The following XPO4 variants were observed in gnomAD, a reference collection of about 807,000 sequenced individuals.
XPO4 encodes the protein exportin 4.
Under a neutral mutation model 143.0 loss-of-function variants are expected in XPO4, and 39 were observed. The observed-to-expected ratio is 0.27, with a 90% confidence interval of 0.21 to 0.36. The LOEUF (loss-of-function observed/expected upper bound fraction) is 0.36. XPO4 is among the 10% of genes least tolerant of loss of function. The pLI, the probability that XPO4 is intolerant of heterozygous loss-of-function variation, is 1.00. For synonymous variants in XPO4, 439 were observed against 474.0 expected, an observed-to-expected ratio of 0.93 and a Z score of 0.96; for missense variants, 907 against 1,348.0, an observed-to-expected ratio of 0.67 and a Z score of 5.12.
At chr13:20,852,781 T>C (rs1295559826) in intron 4 of XPO4, 2 of 984,952 alleles carry the variant, frequency 2.0e-6, no homozygotes, top group Non-Finnish European at 2.4e-6. Context: ...ATTGCTTGAC[T>C]GAGAGCCTTT....
At chr13:20,797,526 A>G (rs1168048551) in intron 16 of XPO4, among the ~76,000 whole-genome samples, 1 of 152,174 alleles carries the variant, frequency 6.6e-6, no homozygotes, top group African/African-American at 2.4e-5. Context: ...TGTATATAAG[A>G]GTACTCATAT....
At chr13:20,886,458 A>G (rs141723510) in intron 1 of XPO4, among the ~76,000 whole-genome samples, 35 of 152,098 alleles carry the variant, frequency 2.3e-4, no homozygotes, top group African/African-American at 8.2e-4. Flanking sequence ...CTAAAAATAT[A>G]AAAAATTAGT....
At chr13:20,791,621 G>A (rs918447395) in intron 18 of XPO4, among the ~76,000 whole-genome samples, 4 of 152,106 alleles carry the variant, frequency 2.6e-5, no homozygotes, top group Admixed American at 6.6e-5. Context: ...CAGCTTGCCA[G>A]GAGTAAAAGC....
intron 3 of XPO4, among the ~76,000 whole-genome samples, chr13:20,862,405 T>G (rs1186834998): frequency 6.6e-6 from 1 of 152,198 alleles, no homozygotes; most frequent in African/African-American, 2.4e-5. Context: ...GCACCAAAAC[T>G]ACCTACAATC....
In XPO4 at chr13:20,851,204, AG is replaced by A. The variant is rs1379432865; in HGVS notation, c.456+4422del. The A allele has an allele frequency of 5.1e-6, 5 of 985,336 alleles. No individual in the cohort carries two copies. The African/African-American group carries it at 8.7e-5, about 17-fold the overall frequency. 61.0% of individuals were successfully genotyped at this position (985,336 alleles called of 1,614,324 possible). On this transcript the variant is annotated intron_variant, in intron 4 of 22. Transcript: ENST00000255305. ...AGAAAATGTCTGAACTTCATTTTTT[AG>A]GCCTTCCTATTGAGCTAGTTTCAAG...
chr13:20,885,137 A>G (rs2060449452), intron 1 of XPO4, among the ~76,000 whole-genome samples: 1 of 151,970 alleles, frequency 6.6e-6, no homozygotes, highest in African/African-American at 2.4e-5. Context: ...TTTAGTAGAG[A>G]TGGGGTTTCT....
Position 20,853,018 on chromosome 13 carries a change from T to G in XPO4, c.456+2609A>C, listed in dbSNP as rs945821862. 18 of 985,178 alleles carry G rather than the reference T, an allele frequency of 1.8e-5. No individual in the cohort carries two copies. The African/African-American group carries it at 3.1e-4, about 17-fold the overall frequency. 61.0% of individuals were successfully genotyped at this position (985,178 alleles called of 1,614,324 possible). The stretch of plus-strand genomic sequence containing the variant: ...TGGAGACTATATCTACTACCACAAT[T>G]TATATTACTCTAAGTAAAAATAGCT... On this transcript the variant is annotated intron_variant, in intron 4 of 22. Transcript: ENST00000255305.
At position 20,806,677 on chromosome 13, in the gene XPO4, C is replaced by T. The variant is rs971548519; in HGVS notation, c.1817+780G>A. Among the ~76,000 whole-genome samples the T allele has an allele frequency of 6.0e-5, 9 of 150,004 alleles. No individual in the cohort carries two copies. In the South Asian group the frequency reaches 1.3e-3, roughly 21 times the overall value. ...AAGCGATTCTCCTGCTTCAGCCTCCCGAGTAGCTGGGACTACAGGCGTACA... is the reference window on the plus strand; with the variant it reads ...AAGCGATTCTCCTGCTTCAGCCTCCTGAGTAGCTGGGACTACAGGCGTACA... On this transcript the variant is annotated intron_variant, in intron 13 of 22. Coordinates refer to ENST00000255305, the MANE Select transcript of XPO4 (RefSeq NM_022459.5).
rs1462660504 is a variant in XPO4 at position 20,788,545 on chromosome 13, T to C, written c.2988A>G (p.Pro996=). 1.2e-6 allele frequency: 2 copies of C among 1,613,288 alleles called. No individual in the cohort carries two copies. Among genetic ancestry groups the C allele is most frequent in the Non-Finnish European group, 1.7e-6 (2 of 1,179,632 alleles). ...TTTTAAACAGATCCTCAGGAAGCTG[T>C]GGTATTTTTTCAGGAAAAATCTCAC... The part of the protein sequence containing the change: ...FICEIFPEKI[P]QLPEDLFKSL... Residue 996 remains proline, a synonymous_variant, in exon 20 of 23, where the codon CCA becomes CCG. Coordinates refer to ENST00000255305, the MANE Select transcript of XPO4 (RefSeq NM_022459.5).
At chr13:20,900,699 G>A in intron 1 of XPO4, among the ~76,000 whole-genome samples, 1 of 150,460 alleles carries the variant, frequency 6.6e-6, no homozygotes, top group Non-Finnish European at 1.5e-5. Context: ...TCCAACCTCT[G>A]CCTCCTGGTT....
chr13:20,898,393 C>T (rs2060588846), intron 1 of XPO4, among the ~76,000 whole-genome samples: 2 of 152,096 alleles, frequency 1.3e-5, no homozygotes, highest in South Asian at 4.1e-4. Context: ...GTTGAAACCT[C>T]ATCTCTACTA....
At chr13:20,818,695 A>C (rs188121876) in intron 9 of XPO4, among the ~76,000 whole-genome samples, 31 of 152,336 alleles carry the variant, frequency 2.0e-4, no homozygotes, top group African/African-American at 7.0e-4. Context: ...AGTTGTTCTT[A>C]TGTGGTAAGA....
At chr13:20,855,536 T>TA in intron 4 of XPO4, 91 bp downstream of exon 4, 1 of 1,218,338 alleles carries the variant, frequency 8.2e-7, no homozygotes, top group East Asian at 2.9e-5. Flanking sequence ...TCACTATTTT[T>TA]ATGTAGATAT....
chr13:20,877,642 C>A (rs1009323012), intron 1 of XPO4, among the ~76,000 whole-genome samples: 1 of 152,160 alleles, frequency 6.6e-6, no homozygotes, highest in African/African-American at 2.4e-5. Context: ...CTATCTATCT[C>A]CATACTTTTT....
rs867769078 is a variant in XPO4 at position 20,779,756 on chromosome 13, T to C, written c.*3966A>G. The stretch of plus-strand genomic sequence containing the variant: ...CCAGTATTAAGCTTCTATTTTTATT[T>C]GAACCAAACATATTCTTTGGTTAAC... On this transcript the variant is annotated 3_prime_UTR_variant, in exon 23 of 23. Coordinates refer to ENST00000255305, the MANE Select transcript of XPO4 (RefSeq NM_022459.5). The C allele has an allele frequency of 6.6e-6, 1 of 152,646 alleles. No homozygotes were observed. Among genetic ancestry groups the C allele is most frequent in the South Asian group, 2.1e-4 (1 of 4,826 alleles). 9.5% of individuals were successfully genotyped at this position (152,646 alleles called of 1,614,324 possible).
In XPO4 at chr13:20,809,744, G is replaced by C. The variant is rs767274848; in HGVS notation, c.1350+47C>G. 17 of 1,538,158 alleles carry C rather than the reference G, an allele frequency of 1.1e-5. No homozygotes were observed. In the African/African-American group the frequency reaches 1.7e-4, roughly 15 times the overall value. Reference sequence around the variant, plus strand: ...ATAATGTGTAACATGGTAAAATATAGCCTATGATGAAATAGACTGTTAATT... The same window carrying C: ...ATAATGTGTAACATGGTAAAATATACCCTATGATGAAATAGACTGTTAATT... On this transcript the variant is annotated intron_variant, in intron 10 of 22. Transcript: ENST00000255305.
At chr13:20,899,346 T>TAAAA (rs540285081) in intron 1 of XPO4, among the ~76,000 whole-genome samples, 1 of 116,698 alleles carries the variant, frequency 8.6e-6, no homozygotes, top group East Asian at 2.4e-4. Flanking sequence ...GTAAAAAAAG[T>TAAAA]AAAAAAAAAA....
chr13:20,892,747 G>A (rs1439316230), intron 1 of XPO4, among the ~76,000 whole-genome samples: 1 of 152,040 alleles, frequency 6.6e-6, no homozygotes, highest in Admixed American at 6.6e-5. Context: ...AGCCAGGTGT[G>A]GTGGCGTGCA....
At chr13:20,804,079 C>G (rs978051532) in intron 13 of XPO4, among the ~76,000 whole-genome samples, 13 of 151,736 alleles carry the variant, frequency 8.6e-5, no homozygotes, top group African/African-American at 2.9e-4. Context: ...ATCACAAACC[C>G]TTGTAGCAAA....
Sources: gnomAD v4.1 joint callset for allele counts (sites outside exome capture counted in the v4.1 genomes callset) on GRCh38, gnomAD v4.1.1 for gene constraint, MANE v1.5 for transcripts, NCBI Gene and HGNC (gene_info 2026-07-23, HGNC 2026-07-21) for gene names.